Variants in DNAH17 observed in about 807,000 individuals in gnomAD.
The protein encoded by DNAH17 is axonemal beta dynein heavy chain 17.
Under a neutral mutation model 485.6 loss-of-function variants are expected in DNAH17, and 376 were observed. The observed-to-expected ratio is 0.77, with a 90% CI of 0.71 to 0.84. DNAH17 has a LOEUF of 0.84. Ranked by LOEUF, DNAH17 falls within the 40% of genes least tolerant of loss-of-function variation. The probability of loss-of-function intolerance (pLI) is 0.00; values close to 1 mark genes in which losing one functional copy is unlikely to be tolerated. For missense variants in DNAH17, 6,370 were observed against 5,839.3 expected (o/e 1.09, Z -2.96); for synonymous variants, 3,031 against 2,405.9 (o/e 1.26, Z -7.60).
intron 25 of DNAH17, 93 bp from the exon 26 acceptor site, chr17:78,515,115 G>T: frequency 1.4e-6 from 2 of 1,440,240 alleles, no homozygotes; most frequent in Non-Finnish European, 1.9e-6. Flanking sequence ...CTCGCAGGGA[G>T]CAAAGCCCAG....
At chr17:78,570,142 T>C in intron 7 of DNAH17, 105 bp downstream of exon 7, 1 of 1,332,464 alleles carries the variant, frequency 7.5e-7, no homozygotes, top group Non-Finnish European at 1.0e-6. Flanking sequence ...CATCTTGGCC[T>C]GCTTTCAAAC....
intron 31 of DNAH17, among the ~76,000 whole-genome samples, chr17:78,503,352 T>TTTG (rs1270584536): frequency 6.7e-6 from 1 of 149,064 alleles, no homozygotes; most frequent in African/African-American, 2.5e-5. Flanking sequence ...GCATTTTTTT[T>TTTG]TTTTTTGTAT....
rs769157343 is a variant in DNAH17, at chr17:78,459,176, T to C, written c.9686A>G (p.Glu3229Gly). 1.9e-6 allele frequency: 3 copies of C among 1,613,882 alleles called. No homozygotes were observed. Among genetic ancestry groups the C allele is most frequent in the Admixed American group, 1.7e-5 (1 of 60,024 alleles). Residue 3229 changes from glutamate (E) to glycine (G), a missense_variant, in exon 61 of 81, where the codon GAG becomes GGG. Transcript: ENST00000389840. ...GGCCGTGGACTTGGAGCGGATGAAC[T>C]CGGGGTCGAACGTCGGGTTGCCTTG... ...PYQGNPTFDP[E>G]FIRSKSTAAA...
rs2086408590 is a variant in DNAH17 at position 78,425,574 on chromosome 17, G to A, written c.12916-3C>T. The A allele has an allele frequency of 4.4e-6, 7 of 1,602,250 alleles. No individual in the cohort carries two copies. Among genetic ancestry groups the A allele is most frequent in the Non-Finnish European group, 6.0e-6 (7 of 1,174,798 alleles). On this transcript the variant is annotated splice_polypyrimidine_tract_variant and splice_region_variant and intron_variant, in intron 79 of 80. Transcript: ENST00000389840. ...TCTGTCGTCCAGGCCTCGAGTTCCTGCAAGGACACACGAGCCGCTAGGAGG... is the reference window on the plus strand; with the variant it reads ...TCTGTCGTCCAGGCCTCGAGTTCCTACAAGGACACACGAGCCGCTAGGAGG...
At chr17:78,479,833 A>C (rs2089270149) in intron 49 of DNAH17, among the ~76,000 whole-genome samples, 1 of 152,064 alleles carries the variant, frequency 6.6e-6, no homozygotes, top group African/African-American at 2.4e-5. Context: ...AGACAAATTT[A>C]CTTCATGCTC....
Position 78,485,659 on chromosome 17 carries a change from C to T in DNAH17, c.7374G>A (p.Gly2458=). 6.2e-7 allele frequency: 1 copy of T among 1,614,000 alleles called. No individual in the cohort carries two copies. Residue 2458 remains glycine, a synonymous_variant, in exon 47 of 81, where the codon GGG becomes GGA. Coordinates refer to ENST00000389840, the MANE Select transcript of DNAH17 (RefSeq NM_173628.4). The part of the protein sequence containing the change: ...SWPVMLVGNA[G]TGKSVLMGDK... ...CCCCCATCAGCACCGACTTGCCCGT[C>T]CCCGCGTTCCCCACCAGCATCACCG...
chr17:78,554,001 C>T (rs1219294780), intron 14 of DNAH17, among the ~76,000 whole-genome samples: 4 of 151,812 alleles, frequency 2.6e-5, no homozygotes, highest in South Asian at 2.1e-4. Context: ...TGCTATGTTG[C>T]CCAGGCTGGT....
At chr17:78,517,886 T>C (rs889706618) in intron 25 of DNAH17, among the ~76,000 whole-genome samples, 2 of 152,198 alleles carry the variant, frequency 1.3e-5, no homozygotes, top group African/African-American at 2.4e-5. Flanking sequence ...AAGACAGTTA[T>C]GTTATAGTTA....
chr17:78,455,665 G>C lies in DNAH17; in HGVS notation c.10149C>G (p.Ile3383Met). 1 of 1,557,914 alleles carries C rather than the reference G, an allele frequency of 6.4e-7. No homozygotes were observed. The highest frequency in any genetic ancestry group is 1.4e-5 in the African/African-American group (1 of 73,246). The change falls in exon 63 of 81, where the codon ATC becomes ATG. Residue 3383 changes from isoleucine to methionine, a missense_variant. Ile to Met is a conservative substitution (Grantham distance 10, BLOSUM62 1). Coordinates refer to ENST00000389840, the MANE Select transcript of DNAH17 (RefSeq NM_173628.4). ...YRNELMEKFWIPYIHNLKVPI... is the reference protein window; with the variant it reads ...YRNELMEKFWMPYIHNLKVPI... ...TTACCTTTAAGTTATGTATGTAAGG[G>C]ATCCAGAATTTCTCCATCAGCTCAT...
chr17:78,436,969 G>A (rs1172092056), intron 74 of DNAH17, among the ~76,000 whole-genome samples: 1 of 152,164 alleles, frequency 6.6e-6, no homozygotes, highest in Admixed American at 6.5e-5. Context: ...CAGACCCCAG[G>A]CAGATGCAGA....
chr17:78,520,829 A>G (rs1316285884), intron 25 of DNAH17, among the ~76,000 whole-genome samples: 1 of 152,268 alleles, frequency 6.6e-6, no homozygotes, highest in Non-Finnish European at 1.5e-5. Context: ...CGCAATTCCT[A>G]TAAAAACCCC....
chr17:78,461,376 C>G (rs978198204), intron 58 of DNAH17, among the ~76,000 whole-genome samples, 168 bp downstream of exon 58: 2 of 152,180 alleles, frequency 1.3e-5, no homozygotes, highest in African/African-American at 4.8e-5. Context: ...GGGGCCCTCC[C>G]CTGGGAGAGA....
chr17:78,510,163 CAGAG>C (rs1451814176), intron 27 of DNAH17, among the ~76,000 whole-genome samples: 13 of 152,206 alleles, frequency 8.5e-5, no homozygotes, highest in African/African-American at 3.1e-4. Flanking sequence ...GCCTGGGCAA[CAGAG>C]AGAGACTCTG....
intron 25 of DNAH17, 68 bp downstream of exon 25, chr17:78,524,941 C>G (rs1483308386): frequency 1.3e-6 from 2 of 1,546,450 alleles, no homozygotes; most frequent in Non-Finnish European, 1.8e-6. Flanking sequence ...AGAGCCTGCC[C>G]TCTTGTTGCC....
intron 40 of DNAH17, 30 bp from the exon 41 acceptor site, chr17:78,494,203 G>C (rs1194066725): frequency 1.3e-6 from 2 of 1,591,416 alleles, no homozygotes; most frequent in African/African-American, 2.7e-5. Flanking sequence ...GCTGGGTGAG[G>C]AACTGAAGCA....
rs754465120 is a variant in DNAH17, at chr17:78,434,182, C to T, written c.12072G>A (p.Lys4024=). The change falls in exon 75 of 81, where the codon AAG becomes AAA. Residue 4024 remains lysine (K), a synonymous_variant. Coordinates refer to ENST00000389840, the MANE Select transcript of DNAH17 (RefSeq NM_173628.4). ...AGTAGCACAGGGCGAAGAGCATGCA[C>T]TTGAACTCCATCTCCTTGGTGCACA... ...LEMCTKEMEF[K]CMLFALCYFH... 4 of 1,613,260 alleles carry T rather than the reference C, an allele frequency of 2.5e-6. No individual in the cohort carries two copies. The highest frequency in any genetic ancestry group is 2.5e-6 in the Non-Finnish European group (3 of 1,179,566).
chr17:78,496,327 G>A (rs1304312731), intron 37 of DNAH17, among the ~76,000 whole-genome samples: 1 of 150,330 alleles, frequency 6.7e-6, no homozygotes, highest in Non-Finnish European at 1.5e-5. Context: ...GCAAGACCCT[G>A]TCTCAATAAA....
chr17:78,516,691 G>GA (rs1168693263), intron 25 of DNAH17, among the ~76,000 whole-genome samples: 8,289 of 88,638 alleles, frequency 0.094, 354 homozygotes, highest in Middle Eastern at 0.17. Flanking sequence ...CTCCATCTCA[G>GA]AAAAAAAAAA....
In DNAH17 at chr17:78,510,545, A is replaced by G. The variant is rs1207594801; in HGVS notation, c.4114-39T>C. ...ATCCAGGCAGGATTCATTTCAGGTC[A>G]TGTGCACTCTGCAGTGGGCAGACGT... On this transcript the variant is annotated intron_variant, in intron 26 of 80. Transcript: ENST00000389840. The G allele has an allele frequency of 2.5e-6, 4 of 1,610,138 alleles. No individual in the cohort carries two copies. The African/African-American group carries it at 5.3e-5, about 22-fold the overall frequency.
Sources: gnomAD v4.1 joint callset for allele counts (sites outside exome capture counted in the v4.1 genomes callset) on GRCh38, gnomAD v4.1.1 for gene constraint, MANE v1.5 for transcripts, NCBI Gene and HGNC (gene_info 2026-07-23, HGNC 2026-07-21) for gene names.